Variants in ATP2C1 observed in about 807,000 individuals in gnomAD.
ATP2C1 encodes ATPase secretory pathway Ca2+ transporting 1.
Under a neutral mutation model 120.5 loss-of-function variants are expected in ATP2C1, and 31 were observed. That is an observed-to-expected ratio of 0.26 (90% confidence interval 0.19 to 0.35). ATP2C1 has a LOEUF of 0.35. ATP2C1 is among the 10% of genes least tolerant of loss of function. The probability of loss-of-function intolerance (pLI) is 1.00; values close to 1 mark genes in which losing one functional copy is unlikely to be tolerated. For missense variants in ATP2C1, 731 were observed against 1,107.5 expected (o/e 0.66, Z 4.83); for synonymous variants, 351 against 358.7 (o/e 0.98, Z 0.24).
chr3:130,912,725 C>T (rs1481383492), intron 2 of ATP2C1, among the ~76,000 whole-genome samples: 1 of 146,456 alleles, frequency 6.8e-6, no homozygotes. Context: ...ACTAGAAATA[C>T]CATTTGACCC....
In ATP2C1 at chr3:130,894,932, T is replaced by G. The variant is rs991643660; in HGVS notation, c.6+157T>G. On this transcript the variant is annotated intron_variant, in intron 2 of 27. Coordinates refer to ENST00000510168, the MANE Select transcript of ATP2C1 (RefSeq NM_001378687.1). This position sits in a 1 kb window ranked among gnomAD's most constrained non-coding sequence, Gnocchi z 4.5. Reference sequence around the variant, plus strand: ...GATTTGCTTACTTAGGGTATCCAGCTTTTATTTTGGTAACATGGGGCATTT... The same window carrying G: ...GATTTGCTTACTTAGGGTATCCAGCGTTTATTTTGGTAACATGGGGCATTT... 5.9e-5 allele frequency among the ~76,000 whole-genome samples: 9 copies of G among 152,208 alleles called. No homozygotes were observed. Among genetic ancestry groups the G allele is most frequent in the Non-Finnish European group, 8.8e-5 (6 of 68,034 alleles).
intron 2 of ATP2C1, among the ~76,000 whole-genome samples, chr3:130,921,167 C>T (rs1172149759): frequency 1.3e-5 from 2 of 151,136 alleles, no homozygotes; most frequent in African/African-American, 4.9e-5. Context: ...GTGCAACCTC[C>T]GCCTCCCAGG....
rs987564860 is a variant in ATP2C1 at position 130,955,912 on chromosome 3, T to C, written c.757-192T>C. The C allele has an allele frequency of 7.5e-6, 4 of 533,258 alleles. No individual in the cohort carries two copies. The African/African-American group carries it at 7.7e-5, about 10-fold the overall frequency. 33.0% of individuals were successfully genotyped at this position (533,258 alleles called of 1,614,324 possible). A position where few individuals can be genotyped will look rare whatever the true frequency, so the allele number is the denominator to read the frequency against. On this transcript the variant is annotated intron_variant, in intron 10 of 27. Transcript: ENST00000510168. Reference sequence around the variant, plus strand: ...TTTAAAAATAGAGAATTTCTGTTCCTCACTGTGTGACCTTGGGCATTGTGT... The same window carrying C: ...TTTAAAAATAGAGAATTTCTGTTCCCCACTGTGTGACCTTGGGCATTGTGT...
In ATP2C1 at chr3:130,959,379, C is replaced by T. The variant is rs202068589; in HGVS notation, c.899+38C>T. ...ACTTTATAATTGGAGTCTCTTTTGC[C>T]TCTTTTATTTCTCTAATGGACATAG... On this transcript the variant is annotated intron_variant, in intron 12 of 27. Transcript: ENST00000510168. The T allele has an allele frequency of 1.5e-4, 219 of 1,417,588 alleles. 2 individuals carry two copies. In the South Asian group the frequency reaches 2.1e-3, roughly 14 times the overall value. 87.8% of individuals were successfully genotyped at this position (1,417,588 alleles called of 1,614,324 possible). A position where few individuals can be genotyped will look rare whatever the true frequency, so the allele number is the denominator to read the frequency against.
chr3:130,857,724 C>T (rs1293399737), intron 1 of ATP2C1, among the ~76,000 whole-genome samples: 1 of 152,180 alleles, frequency 6.6e-6, no homozygotes, highest in African/African-American at 2.4e-5. Context: ...CTCCCTGCTG[C>T]ATGTTGACCT....
At chr3:130,924,152 T>A (rs1043898894) in intron 2 of ATP2C1, among the ~76,000 whole-genome samples, 11 of 152,208 alleles carry the variant, frequency 7.2e-5, no homozygotes, top group South Asian at 6.2e-4. Context: ...TTTTTGTTTT[T>A]TTTTTTCATT....
intron 2 of ATP2C1, among the ~76,000 whole-genome samples, chr3:130,923,831 C>G (rs953978540): frequency 6.8e-6 from 1 of 146,574 alleles, no homozygotes. Context: ...GCATACTGCT[C>G]TCTAACCTGG....
Position 131,015,034 on chromosome 3 carries a change from A to C in ATP2C1, c.2630-1118A>C, listed in dbSNP as rs575269102. The C allele has an allele frequency of 8.3e-5, 43 of 518,860 alleles. 1 individual carries two copies. The South Asian group carries it at 1.3e-3, about 16-fold the overall frequency. The allele number at this position is 518,860 out of a possible 1,614,324, so 32.1% of individuals were successfully genotyped here. ...TTAAAAGGATTTGTGGTAACTAAAG[A>C]GGATCCAGTCAAGAATGGCCTTAAA... On this transcript the variant is annotated intron_variant, in intron 26 of 26. Coordinates refer to the ATP2C1 transcript ENST00000328560.
chr3:130,867,041 A>T (rs1400224090), intron 1 of ATP2C1, among the ~76,000 whole-genome samples: 1 of 152,066 alleles, frequency 6.6e-6, no homozygotes, highest in East Asian at 1.9e-4. Context: ...GTAATTTTTG[A>T]TGTTACTATT....
Position 131,015,721 on chromosome 3 carries a change from T to C in ATP2C1, c.2630-431T>C, listed in dbSNP as rs182738589. On this transcript the variant is annotated intron_variant, in intron 26 of 26. Coordinates refer to the ATP2C1 transcript ENST00000328560. ...ATATGCCAAGTGGTAAGAAATGCAA[T>C]TAAAAAAAAATAGAGTAACAGGACT... Among the ~76,000 whole-genome samples, 303 of 145,136 alleles carry C rather than the reference T, an allele frequency of 2.1e-3. 5 individuals are homozygous for C. The highest frequency in any genetic ancestry group is 0.017 in the Admixed American group (256 of 14,700).
At chr3:130,999,868 A>G (rs1285871097) in intron 27 of ATP2C1, among the ~76,000 whole-genome samples, 1 of 152,156 alleles carries the variant, frequency 6.6e-6, no homozygotes, top group African/African-American at 2.4e-5. Context: ...TAGGTTATCA[A>G]TTGTTATAAA....
chr3:130,993,847 T>C lies in ATP2C1; in HGVS notation c.1891-85T>C, dbSNP rs1167275567. On this transcript the variant is annotated intron_variant, in intron 21 of 27. Transcript: ENST00000510168. The stretch of plus-strand genomic sequence containing the variant: ...TCTAATCTTAATTATGTGAAAAAAA[T>C]AGGGAGGATTTGTTTATCGCTTTGT... The C allele has an allele frequency of 2.9e-5, 39 of 1,367,552 alleles. 1 individual carries two copies. In the Middle Eastern group the frequency reaches 1.6e-3, roughly 54 times the overall value. 84.7% of individuals were successfully genotyped at this position (1,367,552 alleles called of 1,614,324 possible). A position where few individuals can be genotyped will look rare whatever the true frequency, so the allele number is the denominator to read the frequency against.
At chr3:130,922,073 A>G (rs1343340386) in intron 2 of ATP2C1, among the ~76,000 whole-genome samples, 2 of 152,162 alleles carry the variant, frequency 1.3e-5, no homozygotes, top group African/African-American at 4.8e-5. Context: ...ATTCAGCTGT[A>G]GATCCATCTG....
At position 130,930,273 on chromosome 3, in the gene ATP2C1, A is replaced by G. The variant is rs577704013; in HGVS notation, c.7-143A>G. ...TGGTTAGTATAAAATTGTCTTTCCT[A>G]TTAGGACTAGCTACGTAATTAGTCT... On this transcript the variant is annotated intron_variant, in intron 2 of 27. Transcript: ENST00000510168. The G allele has an allele frequency of 2.0e-5, 14 of 693,242 alleles. No homozygotes were observed. The Admixed American group carries it at 2.0e-4, about 10-fold the overall frequency. 42.9% of individuals were successfully genotyped at this position (693,242 alleles called of 1,614,324 possible).
At chr3:130,900,366 T>A (rs2057761332) in intron 2 of ATP2C1, among the ~76,000 whole-genome samples, 1 of 152,156 alleles carries the variant, frequency 6.6e-6, no homozygotes, top group Admixed American at 6.5e-5. Flanking sequence ...CCAGCTTTAG[T>A]ATGACATTCT....
At chr3:130,881,329 CTTT>C (rs1197425604) in intron 1 of ATP2C1, among the ~76,000 whole-genome samples, 23 of 151,112 alleles carry the variant, frequency 1.5e-4, no homozygotes, top group Non-Finnish European at 3.0e-4. Flanking sequence ...ACCTCCTTTT[CTTT>C]TTCTTCTTCT....
rs370039913 is a variant in ATP2C1 at position 131,014,249 on chromosome 3, G to A, written c.2630-1903G>A. The A allele has an allele frequency of 3.0e-5, 48 of 1,613,552 alleles. No individual in the cohort carries two copies. The Admixed American group carries it at 4.3e-4, about 15-fold the overall frequency. On this transcript the variant is annotated intron_variant, in intron 26 of 26. Transcript: ENST00000328560. ...TACCTTTTGGTAGGAATATTTCAGC[G>A]GGGGCATATGACCTTGTGGCATTGA...
At chr3:130,862,360 A>G (rs1000378757) in intron 1 of ATP2C1, among the ~76,000 whole-genome samples, 4 of 109,210 alleles carry the variant, frequency 3.7e-5, no homozygotes, top group Admixed American at 1.8e-4. Context: ...ATTTATTTTT[A>G]GTAAGAGACA....
At chr3:130,954,004 G>A (rs2060477398) in intron 9 of ATP2C1, 28 bp downstream of exon 9, 3 of 1,612,186 alleles carry the variant, frequency 1.9e-6, no homozygotes, top group Non-Finnish European at 2.5e-6. Flanking sequence ...TTTGAAAAAA[G>A]CAGTTCCTTT....
Sources: gnomAD v4.1 joint callset for allele counts (sites outside exome capture counted in the v4.1 genomes callset) on GRCh38, gnomAD v4.1.1 for gene constraint, Gnocchi (gnomAD v3.1) non-coding constraint, MANE v1.5 for transcripts, NCBI Gene and HGNC (gene_info 2026-07-23, HGNC 2026-07-21) for gene names.